The following MLLT1 variants were observed in gnomAD, a reference collection of about 807,000 sequenced individuals.
The protein encoded by MLLT1 is protein ENL.
MLLT1 carries 11 observed loss-of-function variants against 55.1 expected under a neutral mutation model. The ratio of observed to expected loss-of-function variants is 0.20; its 90% confidence interval spans 0.13 to 0.33. MLLT1 has a LOEUF of 0.33. MLLT1 is among the 10% of genes least tolerant of loss of function. The probability of loss-of-function intolerance (pLI) is 1.00; values close to 1 mark genes in which losing one functional copy is unlikely to be tolerated. For synonymous variants in MLLT1, 323 were observed against 320.1 expected, an observed-to-expected ratio of 1.01 and a Z score of -0.10; for missense variants, 536 against 760.6, an observed-to-expected ratio of 0.70 and a Z score of 3.47.
chr19:6,253,550 A>G (rs1326536365), intron 3 of MLLT1, among the ~76,000 whole-genome samples: 1 of 152,174 alleles, frequency 6.6e-6, no homozygotes, highest in Non-Finnish European at 1.5e-5. Flanking sequence ...AATGTTCCTT[A>G]TGAATACAGA....
chr19:6,271,070 C>G (rs1244391020), intron 1 of MLLT1, among the ~76,000 whole-genome samples: 1 of 152,126 alleles, frequency 6.6e-6, no homozygotes, highest in African/African-American at 2.4e-5. Flanking sequence ...GGCCACCACA[C>G]TGGCCTAGGA....
rs771884464 is a variant in MLLT1, at chr19:6,229,611, C to T, written c.420+959G>A. The stretch of plus-strand genomic sequence containing the variant: ...CACCACACACTTCCCGCAAGTGACA[C>T]GACACACACGCCATGCACACACCAT... On this transcript the variant is annotated intron_variant, in intron 4 of 11. Transcript: ENST00000252674. This position sits in a 1 kb window ranked among gnomAD's most constrained non-coding sequence, Gnocchi z 5.2. Among the ~76,000 whole-genome samples, 4 of 151,786 alleles carry T rather than the reference C, an allele frequency of 2.6e-5. No individual in the cohort carries two copies. Among genetic ancestry groups the T allele is most frequent in the East Asian group, 1.9e-4 (1 of 5,186 alleles).
rs2090877839 is a variant in MLLT1 at position 6,219,809 on chromosome 19, C to T, written c.1111-1768G>A. 1.3e-5 allele frequency among the ~76,000 whole-genome samples: 2 copies of T among 152,248 alleles called. No individual in the cohort carries two copies. On this transcript the variant is annotated intron_variant, in intron 6 of 11. Transcript: ENST00000252674. The surrounding 1 kb of genome is among the most constrained non-coding windows in gnomAD (Gnocchi z 4.5). ...GGATGGAAGCAGAGAGGATGCTGAG[C>T]CCCGAGAGGCCCCCAAGCCTGTCCT...
chr19:6,242,299 T>A (rs1445878757), intron 3 of MLLT1, among the ~76,000 whole-genome samples: 1 of 152,152 alleles, frequency 6.6e-6, no homozygotes, highest in Non-Finnish European at 1.5e-5. Flanking sequence ...TGCGACTGCC[T>A]AGGGCCCCCC....
intron 3 of MLLT1, among the ~76,000 whole-genome samples, chr19:6,236,159 T>C (rs2091058897): frequency 6.6e-6 from 1 of 152,172 alleles, no homozygotes; most frequent in Non-Finnish European, 1.5e-5. Flanking sequence ...AGAAGAGGTC[T>C]CTAATCTTAC....
chr19:6,239,595 TCACA>T (rs955688039), intron 3 of MLLT1, among the ~76,000 whole-genome samples: 3 of 151,764 alleles, frequency 2.0e-5, no homozygotes, highest in Admixed American at 1.3e-4. Flanking sequence ...ACCTGTGTAC[TCACA>T]CATGCACATG....
rs2090778482 is a variant in MLLT1, at chr19:6,212,058, G to A, written c.*984C>T. The A allele has an allele frequency of 2.8e-6, 3 of 1,065,966 alleles. No homozygotes were observed. In the South Asian group the frequency reaches 1.4e-4, roughly 48 times the overall value. 66.0% of individuals were successfully genotyped at this position (1,065,966 alleles called of 1,614,324 possible). A position where few individuals can be genotyped will look rare whatever the true frequency, so the allele number is the denominator to read the frequency against. On this transcript the variant is annotated 3_prime_UTR_variant, in exon 12 of 12. Coordinates refer to ENST00000252674, the MANE Select transcript of MLLT1 (RefSeq NM_005934.4). ...AACTATCCCGTCTTATTTGGCAAAA[G>A]CTCATATTTTTTTCAAAGTTTGAAG... is the stretch of plus-strand genomic sequence containing the variant.
At chr19:6,234,140 C>T (rs929799082) in intron 3 of MLLT1, among the ~76,000 whole-genome samples, 13 of 152,206 alleles carry the variant, frequency 8.5e-5, no homozygotes, top group African/African-American at 1.9e-4. Context: ...AAGAGGTGGA[C>T]GGGTGCCCAG....
At chr19:6,236,062 C>T (rs1329573900) in intron 3 of MLLT1, among the ~76,000 whole-genome samples, 3 of 152,236 alleles carry the variant, frequency 2.0e-5, no homozygotes, top group Non-Finnish European at 4.4e-5. Context: ...GACTAGCACC[C>T]TGTCTGCTGA....
intron 5 of MLLT1, among the ~76,000 whole-genome samples, chr19:6,224,878 C>T (rs1031737303): frequency 1.3e-5 from 2 of 152,132 alleles, no homozygotes; most frequent in Non-Finnish European, 2.9e-5. Context: ...TACAGGCGCC[C>T]GCCACCACGC....
At position 6,270,765 on chromosome 19, in the gene MLLT1, GGA is replaced by G. The variant is rs1359541242; in HGVS notation, c.13-8_13-7del. On this transcript the variant is annotated splice_region_variant and splice_polypyrimidine_tract_variant and intron_variant, in intron 1 of 11. Transcript: ENST00000252674. This position sits in a 1 kb window ranked among gnomAD's most constrained non-coding sequence, Gnocchi z 7.1. The stretch of plus-strand genomic sequence containing the variant: ...AACCTCACCTGGACGGTGCACTGGA[GGA>G]GAGAGAGGTGGGGAGATGAAGTCAG... 4.4e-6 allele frequency: 7 copies of G among 1,595,222 alleles called. No individual in the cohort carries two copies. The highest frequency in any genetic ancestry group is 1.7e-6 in the Non-Finnish European group (2 of 1,167,790).
At chr19:6,260,534 C>T (rs931249784) in intron 3 of MLLT1, among the ~76,000 whole-genome samples, 10 of 152,260 alleles carry the variant, frequency 6.6e-5, no homozygotes, top group African/African-American at 2.4e-4. Context: ...AGGCCCTGCC[C>T]CACCTGCCTC....
chr19:6,267,315 G>A (rs568398818), intron 2 of MLLT1, among the ~76,000 whole-genome samples: 1 of 151,744 alleles, frequency 6.6e-6, no homozygotes, highest in Admixed American at 6.6e-5. Context: ...TATTGGCCAG[G>A]CTGGTCTTGA....
rs1183745395 is a variant in MLLT1 at position 6,226,983 on chromosome 19, G to C, written c.540C>G (p.Gly180=). ...GGCCTTCCGCCTCACTAACCTTGGA[G>C]CCGTGGGATGGTTTGGTCTTCTTGG... ...SDPKKTKPSH[G]SKDANKESSK... The change falls in exon 5 of 12, where the codon GGC becomes GGG. Residue 180 remains glycine, a synonymous_variant. Transcript: ENST00000252674. The surrounding 1 kb of genome is among the most constrained non-coding windows in gnomAD (Gnocchi z 6.3). 6.3e-7 allele frequency: 1 copy of C among 1,599,980 alleles called. No individual in the cohort carries two copies.
chr19:6,272,862 G>C (rs1487743349), intron 1 of MLLT1, among the ~76,000 whole-genome samples: 1 of 152,230 alleles, frequency 6.6e-6, no homozygotes, highest in Non-Finnish European at 1.5e-5. Flanking sequence ...AGCAAGCCAG[G>C]TATAAGAAAT....
At position 6,270,479 on chromosome 19, in the gene MLLT1, G is replaced by C. The variant is rs2091386525; in HGVS notation, c.193+100C>G. The C allele has an allele frequency of 3.9e-6, 5 of 1,288,568 alleles. 1 individual carries two copies. In the South Asian group the frequency reaches 7.2e-5, roughly 19 times the overall value. The allele number at this position is 1,288,568 out of a possible 1,614,324, so 79.8% of individuals were successfully genotyped here. A position where few individuals can be genotyped will look rare whatever the true frequency, so the allele number is the denominator to read the frequency against. On this transcript the variant is annotated intron_variant, in intron 2 of 11. Coordinates refer to ENST00000252674, the MANE Select transcript of MLLT1 (RefSeq NM_005934.4). This position sits in a 1 kb window ranked among gnomAD's most constrained non-coding sequence, Gnocchi z 7.1. ...CGCAAGCTGGAACCTCATGGTTGGA[G>C]GGGTCCTGCTGCTCCTGAGGGAGGG...
rs748685276 is a variant in MLLT1 at position 6,265,052 on chromosome 19, AAAAAC to A, written c.194-2747_194-2743del. ...ATAGTGAACAGCAAAAAAAAAACAA[AAAAAC>A]AAAAAAACAAAAAAAAACATGATGT... On this transcript the variant is annotated intron_variant, in intron 2 of 11. Coordinates refer to ENST00000252674, the MANE Select transcript of MLLT1 (RefSeq NM_005934.4). Among the ~76,000 whole-genome samples, 772 of 32,902 alleles carry A rather than the reference AAAAAC, an allele frequency of 0.023. 35 individuals carry two copies. In the East Asian group the frequency reaches 0.32, roughly 14 times the overall value. 21.6% of individuals were successfully genotyped at this position (32,902 alleles called of 152,430 possible). A position where few individuals can be genotyped will look rare whatever the true frequency, so the allele number is the denominator to read the frequency against.
chr19:6,218,969 CAGG>C (rs1489903735), intron 6 of MLLT1, among the ~76,000 whole-genome samples: 3 of 152,184 alleles, frequency 2.0e-5, no homozygotes, highest in African/African-American at 7.2e-5. Flanking sequence ...CTCCCTCCAT[CAGG>C]AGGAGGCAGC....
chr19:6,264,723 T>C (rs1209813054), intron 2 of MLLT1, among the ~76,000 whole-genome samples: 4 of 151,152 alleles, frequency 2.6e-5, no homozygotes, highest in African/African-American at 9.7e-5. Flanking sequence ...CTGGATGACA[T>C]TCTCTACTAA....
Sources: allele counts gnomAD v4.1 joint callset (sites outside exome capture counted in the v4.1 genomes callset), GRCh38; gene constraint gnomAD v4.1.1; non-coding constraint Gnocchi (gnomAD v3.1); transcripts MANE v1.5; gene names NCBI Gene and HGNC (gene_info 2026-07-23, HGNC 2026-07-21).